Variants in ADK observed in about 807,000 individuals in gnomAD.
ADK encodes adenosine kinase, also known as N6,N6-dimethyladenosine kinase.
In ADK, 24 loss-of-function variants were observed where a neutral mutation model predicts 44.7. That is an observed-to-expected ratio of 0.54 (90% CI 0.39 to 0.76). The LOEUF (loss-of-function observed/expected upper bound fraction) is 0.76, where lower values mean the gene tolerates loss of function less well. ADK is among the 30% of genes least tolerant of loss of function. ADK has a pLI of 0.00. For missense variants in ADK, 321 were observed against 425.1 expected, an observed-to-expected ratio of 0.76 and a Z score of 2.15; for synonymous variants, 128 against 142.6, an observed-to-expected ratio of 0.90 and a Z score of 0.73.
At chr10:74,577,153 T>TGTGC (rs3037446) in intron 7 of ADK, among the ~76,000 whole-genome samples, 1 of 146,846 alleles carries the variant, frequency 6.8e-6, no homozygotes, top group Non-Finnish European at 1.5e-5. Context: ...TGTGTGTGTG[T>TGTGC]AGTCTAACTT....
chr10:74,191,777 G>A (rs943641751), intron 1 of ADK, among the ~76,000 whole-genome samples: 8 of 152,054 alleles, frequency 5.3e-5, no homozygotes, highest in African/African-American at 1.2e-4. Flanking sequence ...AGAATTTCAC[G>A]GGTTTTTGTA....
At chr10:74,503,923 A>G (rs1308686135) in intron 6 of ADK, among the ~76,000 whole-genome samples, 3 of 152,134 alleles carry the variant, frequency 2.0e-5, no homozygotes, top group Non-Finnish European at 4.4e-5. Flanking sequence ...AAATCCTCTT[A>G]CTTTGCTCTC....
chr10:74,204,253 C>T (rs1843509333), intron 2 of ADK, among the ~76,000 whole-genome samples: 2 of 152,000 alleles, frequency 1.3e-5, no homozygotes, highest in Non-Finnish European at 2.9e-5. Flanking sequence ...CTGTGCCTAG[C>T]CTTAGGTCTT....
At chr10:74,582,776 A>C (rs1851414005) in intron 7 of ADK, among the ~76,000 whole-genome samples, 1 of 152,200 alleles carries the variant, frequency 6.6e-6, no homozygotes. Flanking sequence ...TTTGGCACTC[A>C]ATAAAATGTT....
At position 74,567,754 on chromosome 10, in the gene ADK, A is replaced by G. The variant is rs557405648; in HGVS notation, c.727-21528A>G. Among the ~76,000 whole-genome samples, 10 of 136,818 alleles carry G rather than the reference A, an allele frequency of 7.3e-5. No individual in the cohort carries two copies. The Admixed American group carries it at 8.2e-4, about 11-fold the overall frequency. The allele number at this position is 136,818 out of a possible 152,430, so 89.8% of individuals were successfully genotyped here. Reference sequence around the variant, plus strand: ...CGCTCTGTCGCCCAGGCTGGAGTGCAGTGGCGCGATCTCAGCTCACTGCAA... The same window carrying G: ...CGCTCTGTCGCCCAGGCTGGAGTGCGGTGGCGCGATCTCAGCTCACTGCAA... On this transcript the variant is annotated intron_variant, in intron 7 of 10. Transcript: ENST00000539909.
chr10:74,682,565 CTTTTCTTTTCT>C (rs1855646192), intron 10 of ADK, among the ~76,000 whole-genome samples: 1 of 91,216 alleles, frequency 1.1e-5, no homozygotes, highest in African/African-American at 3.6e-5. Flanking sequence ...GTTTTCTTTT[CTTTTCTTTTCT>C]TTTTTTTTTT....
chr10:74,253,372 G>GA (rs897685414), intron 3 of ADK, among the ~76,000 whole-genome samples: 11 of 152,180 alleles, frequency 7.2e-5, no homozygotes, highest in African/African-American at 2.7e-4. Flanking sequence ...CATTGCCATG[G>GA]AAAGTGGTGG....
intron 6 of ADK, among the ~76,000 whole-genome samples, chr10:74,443,488 A>C (rs1404923433): frequency 1.3e-5 from 2 of 152,144 alleles, no homozygotes; most frequent in Non-Finnish European, 2.9e-5. Flanking sequence ...AAAAGTCTTA[A>C]ATAGGTAAAT....
Position 74,151,336 on chromosome 10 carries a change from G to T in ADK, c.58G>T (p.Ala20Ser). 6.5e-7 allele frequency: 1 copy of T among 1,549,588 alleles called. No homozygotes were observed. Among genetic ancestry groups the T allele is most frequent in the Non-Finnish European group, 8.7e-7 (1 of 1,146,812 alleles). The stretch of plus-strand genomic sequence containing the variant: ...AAAGCTGAAGGTGGAGGCGCCGCAA[G>T]CGCTGAGGTGAGCGCTGCCGGACTT... ...PKKLKVEAPQALRENILFGMG... is the reference protein window; with the variant it reads ...PKKLKVEAPQSLRENILFGMG... The change falls in exon 1 of 11, where the codon GCG (alanine) becomes TCG (serine). Residue 20 changes from alanine to serine, a missense_variant. Coordinates refer to ENST00000539909, the MANE Select transcript of ADK (RefSeq NM_006721.4).
intron 7 of ADK, among the ~76,000 whole-genome samples, chr10:74,576,298 A>G (rs1015650640): frequency 2.6e-5 from 4 of 152,150 alleles, no homozygotes; most frequent in African/African-American, 9.7e-5. Context: ...GTATTAAATT[A>G]TCCAGTGGAG....
At chr10:74,567,569 A>G (rs916167240) in intron 7 of ADK, among the ~76,000 whole-genome samples, 7 of 152,170 alleles carry the variant, frequency 4.6e-5, no homozygotes, top group South Asian at 2.1e-4. Context: ...CTCATTTTTC[A>G]TACCACTCTA....
chr10:74,502,266 A>G (rs1179766935), intron 6 of ADK, among the ~76,000 whole-genome samples: 1 of 152,070 alleles, frequency 6.6e-6, no homozygotes, highest in African/African-American at 2.4e-5. Flanking sequence ...CTGGGAACAT[A>G]CTACAAGTGT....
intron 3 of ADK, among the ~76,000 whole-genome samples, chr10:74,247,742 T>G (rs946616029): frequency 6.6e-6 from 1 of 152,158 alleles, no homozygotes; most frequent in African/African-American, 2.4e-5. Context: ...TATGAAACAG[T>G]GTAACCTTAG....
At chr10:74,453,772 T>A (rs959624931) in intron 6 of ADK, among the ~76,000 whole-genome samples, 1 of 152,102 alleles carries the variant, frequency 6.6e-6, no homozygotes, top group Non-Finnish European at 1.5e-5. Context: ...ATTACCACAA[T>A]TTTTAAAGGA....
intron 3 of ADK, among the ~76,000 whole-genome samples, chr10:74,311,828 T>C (rs1840442035): frequency 6.6e-6 from 1 of 152,152 alleles, no homozygotes; most frequent in Non-Finnish European, 1.5e-5. Flanking sequence ...AATATATCAC[T>C]TTTCCCAGCA....
intron 6 of ADK, among the ~76,000 whole-genome samples, chr10:74,505,655 G>C (rs2133474609): frequency 6.6e-6 from 1 of 151,724 alleles, no homozygotes; most frequent in Admixed American, 6.6e-5. Context: ...TGGGCTTGAT[G>C]GCTTTCATGG....
intron 7 of ADK, among the ~76,000 whole-genome samples, chr10:74,535,355 C>T (rs926664161): frequency 1.5e-4 from 23 of 152,046 alleles, no homozygotes; most frequent in South Asian, 4.2e-4. Context: ...CCCAGCTATT[C>T]GGGAGGCTAA....
chr10:74,628,085 G>T (rs1406539248), intron 9 of ADK, among the ~76,000 whole-genome samples: 1 of 152,180 alleles, frequency 6.6e-6, no homozygotes, highest in Admixed American at 6.5e-5. Flanking sequence ...CATGCCACTT[G>T]TAAACCATCT....
intron 10 of ADK, among the ~76,000 whole-genome samples, chr10:74,700,522 C>T (rs1206585571): frequency 6.6e-6 from 1 of 151,684 alleles, no homozygotes; most frequent in Admixed American, 6.6e-5. Flanking sequence ...GGATTACAGG[C>T]GTGAGCCATG....
Sources: gnomAD v4.1 joint callset for allele counts (sites outside exome capture counted in the v4.1 genomes callset) on GRCh38, gnomAD v4.1.1 for gene constraint, MANE v1.5 for transcripts, NCBI Gene and HGNC (gene_info 2026-07-23, HGNC 2026-07-21) for gene names.